MAGI1: variants seen among roughly 807,000 people sequenced by gnomAD.
MAGI1 encodes the protein membrane associated guanylate kinase, WW and PDZ domain containing 1.
A neutral mutation model predicts 139.9 loss-of-function variants in MAGI1; 58 were observed. That is an observed-to-expected ratio of 0.41 (90% CI 0.34 to 0.52). The LOEUF (loss-of-function observed/expected upper bound fraction) is 0.52. Among genes scored for constraint, MAGI1 ranks in the 20% least tolerant of loss-of-function variants. The pLI, the probability that MAGI1 is intolerant of heterozygous loss-of-function variation, is 0.12. For synonymous variants in MAGI1, 812 were observed against 737.9 expected, an observed-to-expected ratio of 1.10 and a Z score of -1.63; for missense variants, 1,874 against 1,901.6, an observed-to-expected ratio of 0.99 and a Z score of 0.27.
At position 65,471,231 on chromosome 3, in the gene MAGI1, G is replaced by C. The variant is rs1430728033; in HGVS notation, c.758-747C>G. Among the ~76,000 whole-genome samples, 4 of 152,150 alleles carry C rather than the reference G, an allele frequency of 2.6e-5. No homozygotes were observed. The East Asian group carries it at 7.7e-4, about 29-fold the overall frequency. ...CCTTCTTATTAACTAGAAACATCAG[G>C]GGTGATGTCATCAAAGTATCCCCGA... On this transcript the variant is annotated intron_variant, in intron 4 of 22. Coordinates refer to ENST00000402939, the MANE Select transcript of MAGI1 (RefSeq NM_001033057.2).
intron 1 of MAGI1, chr3:65,843,872 A>G (rs902104368): frequency 5.4e-6 from 1 of 184,296 alleles, no homozygotes; most frequent in African/African-American, 2.4e-5. Flanking sequence ...CTCTTCCCCT[A>G]AATGGCCTGA....
chr3:65,510,638 G>A (rs1434613963), intron 2 of MAGI1, among the ~76,000 whole-genome samples: 3 of 97,978 alleles, frequency 3.1e-5, no homozygotes, highest in African/African-American at 1.2e-4. Flanking sequence ...AAGCCTCCAA[G>A]AAATATGGGA....
intron 1 of MAGI1, among the ~76,000 whole-genome samples, chr3:65,930,506 C>G (rs553062791): frequency 6.6e-6 from 1 of 152,102 alleles, no homozygotes; most frequent in Admixed American, 6.6e-5. Flanking sequence ...CAGAGGCAGG[C>G]AGATCACTTT....
rs558800610 is a variant in MAGI1, at chr3:65,615,592, G to A, written c.430+6380C>T. Among the ~76,000 whole-genome samples, 8 of 152,202 alleles carry A rather than the reference G, an allele frequency of 5.3e-5. 1 individual carries two copies. The South Asian group carries it at 1.7e-3, about 32-fold the overall frequency. On this transcript the variant is annotated intron_variant, in intron 2 of 22. Transcript: ENST00000402939. ...CTGGCATTTATGAGGAGGGTTCCAG[G>A]GATGCTCCAAGTTCCTCAATGAATA...
At chr3:65,958,895 G>A (rs909245019) in intron 1 of MAGI1, among the ~76,000 whole-genome samples, 3 of 152,000 alleles carry the variant, frequency 2.0e-5, no homozygotes, top group Non-Finnish European at 4.4e-5. Context: ...GTTGAGGCAC[G>A]AGAATCGTTT....
intron 21 of MAGI1, among the ~76,000 whole-genome samples, chr3:65,361,850 G>A (rs1211933597): frequency 1.3e-5 from 2 of 152,180 alleles, no homozygotes; most frequent in East Asian, 3.9e-4. Flanking sequence ...TGAAATGAGG[G>A]ACTGCCCTAT....
At chr3:65,461,783 C>T (rs1949818437) in intron 5 of MAGI1, among the ~76,000 whole-genome samples, 1 of 152,136 alleles carries the variant, frequency 6.6e-6, no homozygotes, top group African/African-American at 2.4e-5. Context: ...CCACCACGTC[C>T]AGCCTGTTTC....
At chr3:65,622,340 A>G (rs760176538) in intron 1 of MAGI1, among the ~76,000 whole-genome samples, 3 of 152,216 alleles carry the variant, frequency 2.0e-5, no homozygotes, top group Non-Finnish European at 4.4e-5. Flanking sequence ...CCAAAATATC[A>G]AAGTGTTTAA....
intron 1 of MAGI1, among the ~76,000 whole-genome samples, chr3:65,680,263 C>T (rs547585369): frequency 2.2e-4 from 33 of 152,298 alleles, no homozygotes; most frequent in African/African-American, 7.5e-4. Flanking sequence ...CTCAGCAGGT[C>T]TTCGACAAGC....
At chr3:65,680,502 C>T (rs966622361) in intron 1 of MAGI1, among the ~76,000 whole-genome samples, 4 of 152,170 alleles carry the variant, frequency 2.6e-5, no homozygotes, top group Non-Finnish European at 5.9e-5. Context: ...AGAATCTCAA[C>T]CTCCTGGGCT....
At chr3:66,024,158 A>G (rs543669421) in intron 1 of MAGI1, among the ~76,000 whole-genome samples, 13 of 152,156 alleles carry the variant, frequency 8.5e-5, no homozygotes, top group African/African-American at 3.1e-4. Flanking sequence ...GAGATGAAGT[A>G]TGAGAGAAAC....
chr3:65,702,053 G>A (rs1018004886), intron 1 of MAGI1, among the ~76,000 whole-genome samples: 3 of 151,666 alleles, frequency 2.0e-5, no homozygotes, highest in African/African-American at 7.3e-5. Context: ...TACCCCCTTG[G>A]CTCAGCACTC....
intron 3 of MAGI1, among the ~76,000 whole-genome samples, chr3:65,490,450 C>T (rs1448197932): frequency 6.6e-6 from 1 of 152,176 alleles, no homozygotes; most frequent in East Asian, 1.9e-4. Flanking sequence ...AATGTCTTTC[C>T]AGCCCTACTC....
chr3:65,619,689 A>C (rs561542716), intron 2 of MAGI1, among the ~76,000 whole-genome samples: 1 of 152,330 alleles, frequency 6.6e-6, no homozygotes, highest in East Asian at 1.9e-4. Flanking sequence ...CCATAGAATC[A>C]AAATAAACAC....
At chr3:65,388,647 A>C (rs949632827) in intron 14 of MAGI1, among the ~76,000 whole-genome samples, 59 of 152,234 alleles carry the variant, frequency 3.9e-4, no homozygotes, top group African/African-American at 1.3e-3. Flanking sequence ...GGGAGGTCTC[A>C]TCATTATCCT....
chr3:65,512,009 AG>A (rs1352261384), intron 2 of MAGI1, among the ~76,000 whole-genome samples: 6 of 115,816 alleles, frequency 5.2e-5, no homozygotes, highest in East Asian at 2.8e-4. Context: ...TCTCACTCAA[AG>A]CCGCTCAACT....
intron 1 of MAGI1, among the ~76,000 whole-genome samples, chr3:66,008,501 G>A (rs2067150051): frequency 6.6e-6 from 1 of 152,160 alleles, no homozygotes; most frequent in African/African-American, 2.4e-5. Context: ...GCTCAGAGCT[G>A]GGCATTCTGG....
intron 12 of MAGI1, among the ~76,000 whole-genome samples, chr3:65,428,498 A>G (rs1947230853): frequency 1.3e-5 from 2 of 152,276 alleles, no homozygotes; most frequent in South Asian, 4.1e-4. Flanking sequence ...GAGATCCTAA[A>G]CTACTAAACG....
At chr3:65,582,600 A>G (rs1011747664) in intron 2 of MAGI1, among the ~76,000 whole-genome samples, 1 of 95,126 alleles carries the variant, frequency 1.1e-5, no homozygotes, top group Non-Finnish European at 2.6e-5. Context: ...ATCCAGGTCA[A>G]ATAAGACTTA....
Sources: gnomAD v4.1 joint callset for allele counts (sites outside exome capture counted in the v4.1 genomes callset) on GRCh38, gnomAD v4.1.1 for gene constraint, MANE v1.5 for transcripts, NCBI Gene and HGNC (gene_info 2026-07-23, HGNC 2026-07-21) for gene names.